The following CADPS2 variants were observed in gnomAD, a reference collection of about 807,000 sequenced individuals.
CADPS2 encodes the protein calcium dependent secretion activator 2.
Under a neutral mutation model 172.5 loss-of-function variants are expected in CADPS2, and 93 were observed. The ratio of observed to expected loss-of-function variants is 0.54; its 90% CI spans 0.46 to 0.64. CADPS2 has a LOEUF of 0.64. Among genes scored for constraint, CADPS2 ranks in the 30% least tolerant of loss-of-function variants. The pLI is 0.00. For synonymous variants in CADPS2, 546 were observed against 555.2 expected, an observed-to-expected ratio of 0.98 and a Z score of 0.23; for missense variants, 1,420 against 1,565.9, an observed-to-expected ratio of 0.91 and a Z score of 1.57.
In CADPS2 at chr7:122,708,477, T is replaced by C. The variant is rs947908970; in HGVS notation, c.453+28478A>G. ...ATGTGTGTGGATATATATATATATATATATATATATTGGATATGTAGATCC... is the reference window on the plus strand; with the variant it reads ...ATGTGTGTGGATATATATATATATACATATATATATTGGATATGTAGATCC... On this transcript the variant is annotated intron_variant, in intron 2 of 29. Transcript: ENST00000449022. Among the ~76,000 whole-genome samples the C allele has an allele frequency of 4.8e-5, 7 of 145,222 alleles. No individual in the cohort carries two copies. In the East Asian group the frequency reaches 1.4e-3, roughly 29 times the overall value.
rs571559243 is a variant in CADPS2, at chr7:122,530,956, G to A, written c.1476-17641C>T. On this transcript the variant is annotated intron_variant, in intron 8 of 29. Coordinates refer to ENST00000449022, the MANE Select transcript of CADPS2 (RefSeq NM_017954.11). Reference sequence around the variant, plus strand: ...GAATGGGAAAGTGTTCACATGTATAGAATGCCATCCCTGGTGGGCGTAAGA... The same window carrying A: ...GAATGGGAAAGTGTTCACATGTATAAAATGCCATCCCTGGTGGGCGTAAGA... Among the ~76,000 whole-genome samples, 11 of 152,256 alleles carry A rather than the reference G, an allele frequency of 7.2e-5. No individual in the cohort carries two copies. In the East Asian group the frequency reaches 2.1e-3, roughly 29 times the overall value.
At chr7:122,882,013 CAAAAT>C (rs1823049839) in intron 1 of CADPS2, among the ~76,000 whole-genome samples, 1 of 152,036 alleles carries the variant, frequency 6.6e-6, no homozygotes, top group Non-Finnish European at 1.5e-5. Flanking sequence ...AAGATGAAAA[CAAAAT>C]AAAACCTGGA....
intron 5 of CADPS2, among the ~76,000 whole-genome samples, chr7:122,619,007 C>T (rs1159406645): frequency 6.6e-6 from 1 of 152,134 alleles, no homozygotes; most frequent in Non-Finnish European, 1.5e-5. Flanking sequence ...ACTTCTCAGA[C>T]CATGCAAAGT....
At chr7:122,533,855 A>G (rs1448256670) in intron 8 of CADPS2, among the ~76,000 whole-genome samples, 1 of 152,164 alleles carries the variant, frequency 6.6e-6, no homozygotes, top group African/African-American at 2.4e-5. Flanking sequence ...CATATGCATA[A>G]AAGACAGATC....
intron 8 of CADPS2, among the ~76,000 whole-genome samples, chr7:122,549,415 T>C (rs1397798703): frequency 3.9e-5 from 6 of 152,150 alleles, no homozygotes; most frequent in African/African-American, 7.2e-5. Flanking sequence ...ATTTTGTAGT[T>C]ACCATCGCAC....
intron 1 of CADPS2, among the ~76,000 whole-genome samples, chr7:122,776,293 C>T (rs2093880495): frequency 6.6e-6 from 1 of 152,140 alleles, no homozygotes; most frequent in African/African-American, 2.4e-5. Flanking sequence ...TTGCATGCTG[C>T]CATGTAAGAC....
At chr7:122,581,053 A>G in intron 7 of CADPS2, 126 bp downstream of exon 7, 1 of 654,158 alleles carries the variant, frequency 1.5e-6, no homozygotes, top group Non-Finnish European at 2.7e-6. Flanking sequence ...CTTGTGGGAA[A>G]TAACAAATTA....
intron 19 of CADPS2, chr7:122,409,509 C>T (rs553039718): frequency 1.3e-5 from 4 of 306,802 alleles, no homozygotes; most frequent in Admixed American, 3.4e-5. Context: ...CAAGATTTTG[C>T]CATCAACTGG....
At chr7:122,471,656 C>G (rs2055964367) in intron 13 of CADPS2, 94 bp from the exon 14 acceptor site, 1 of 981,876 alleles carries the variant, frequency 1.0e-6, no homozygotes, top group African/African-American at 1.7e-5. Context: ...TAAGCAGAAG[C>G]TGCATGAAAG....
At chr7:122,506,991 T>C (rs1246027077) in intron 9 of CADPS2, among the ~76,000 whole-genome samples, 3 of 152,130 alleles carry the variant, frequency 2.0e-5, no homozygotes, top group Admixed American at 2.0e-4. Flanking sequence ...GTGTTTAAAA[T>C]TCCACAGATA....
intron 8 of CADPS2, among the ~76,000 whole-genome samples, chr7:122,552,663 A>G (rs926629066): frequency 7.2e-5 from 11 of 151,932 alleles, no homozygotes; most frequent in African/African-American, 2.7e-4. Context: ...GACCTGCCCT[A>G]TGCATGTTCA....
At chr7:122,658,980 C>T (rs1311059648) in intron 3 of CADPS2, among the ~76,000 whole-genome samples, 1 of 151,942 alleles carries the variant, frequency 6.6e-6, no homozygotes, top group East Asian at 1.9e-4. Flanking sequence ...CACAGCTCAA[C>T]TCCTACTCAG....
chr7:122,554,106 T>C (rs1296725685), intron 8 of CADPS2, among the ~76,000 whole-genome samples: 1 of 152,120 alleles, frequency 6.6e-6, no homozygotes, highest in Non-Finnish European at 1.5e-5. Context: ...AACACTCATA[T>C]CCCTCTTGTT....
rs534056943 is a variant in CADPS2, at chr7:122,444,154, C to T, written c.2289-2579G>A. Among the ~76,000 whole-genome samples the T allele has an allele frequency of 2.0e-5, 3 of 152,252 alleles. No individual in the cohort carries two copies. The South Asian group carries it at 6.2e-4, about 32-fold the overall frequency. Reference sequence around the variant, plus strand: ...CATGCTGTTGTATATATCAAGAGTTCATTCCTTTTTATTGGTGGGTAGTAT... The same window carrying T: ...CATGCTGTTGTATATATCAAGAGTTTATTCCTTTTTATTGGTGGGTAGTAT... On this transcript the variant is annotated intron_variant, in intron 15 of 29. Transcript: ENST00000449022.
At chr7:122,480,487 T>A (rs1054101196) in intron 12 of CADPS2, among the ~76,000 whole-genome samples, 1 of 152,206 alleles carries the variant, frequency 6.6e-6, no homozygotes, top group African/African-American at 2.4e-5. Context: ...ATATTTTAGA[T>A]GTAATTCTAC....
chr7:122,584,956 T>A (rs1451196825), intron 6 of CADPS2, among the ~76,000 whole-genome samples: 1 of 151,874 alleles, frequency 6.6e-6, no homozygotes, highest in African/African-American at 2.4e-5. Context: ...GAAAAAAAAA[T>A]TCTCCATTAT....
At chr7:122,417,174 G>T (rs974679091) in intron 17 of CADPS2, among the ~76,000 whole-genome samples, 30 of 152,128 alleles carry the variant, frequency 2.0e-4, no homozygotes, top group African/African-American at 7.0e-4. Context: ...CATTTGCTCT[G>T]TTCTAACGTA....
At chr7:122,355,562 A>C (rs2151080794) in intron 27 of CADPS2, among the ~76,000 whole-genome samples, 1 of 151,260 alleles carries the variant, frequency 6.6e-6, no homozygotes, top group Non-Finnish European at 1.5e-5. Flanking sequence ...AGCCTGGGGC[A>C]CAGAGTGAGG....
chr7:122,686,560 G>C (rs908385385), intron 2 of CADPS2, among the ~76,000 whole-genome samples: 1 of 152,210 alleles, frequency 6.6e-6, no homozygotes, highest in Non-Finnish European at 1.5e-5. Context: ...GTGAGCTTAA[G>C]AATTTGCATT....
Sources: allele counts gnomAD v4.1 joint callset (sites outside exome capture counted in the v4.1 genomes callset), GRCh38; gene constraint gnomAD v4.1.1; transcripts MANE v1.5; gene names NCBI Gene and HGNC (gene_info 2026-07-23, HGNC 2026-07-21).